CSGALNACT1: variants seen among roughly 807,000 people sequenced by gnomAD.
The protein encoded by CSGALNACT1 is beta4GalNAcT-1.
Under a neutral mutation model 51.0 loss-of-function variants are expected in CSGALNACT1, and 52 were observed. That is an observed-to-expected ratio of 1.02 (90% CI 0.82 to 1.29). The LOEUF is 1.29. Among genes scored for constraint, CSGALNACT1 ranks in the 50% most tolerant of loss-of-function variants. The probability of loss-of-function intolerance (pLI) is 0.00; values close to 1 mark genes in which losing one functional copy is unlikely to be tolerated. For missense variants in CSGALNACT1, 935 were observed against 679.2 expected (o/e 1.38, Z -4.19); for synonymous variants, 341 against 254.4 (o/e 1.34, Z -3.24).
chr8:19,713,751 C>T (rs996614814), intron 1 of CSGALNACT1, among the ~76,000 whole-genome samples: 1 of 152,130 alleles, frequency 6.6e-6, no homozygotes, highest in African/African-American at 2.4e-5. Flanking sequence ...CCTGAGGACA[C>T]CTTAATTCCA....
chr8:19,496,306 T>C (rs2075439267), intron 4 of CSGALNACT1, among the ~76,000 whole-genome samples: 1 of 152,184 alleles, frequency 6.6e-6, no homozygotes, highest in Admixed American at 6.5e-5. Context: ...GGCTTTCATA[T>C]TCAAAAGTAA....
At chr8:19,619,097 G>A (rs1457797057) in intron 1 of CSGALNACT1, among the ~76,000 whole-genome samples, 7 of 152,106 alleles carry the variant, frequency 4.6e-5, no homozygotes, top group Admixed American at 4.6e-4. Context: ...TGGGCTATGA[G>A]AAAGCGTGTA....
At chr8:19,602,913 C>A (rs1276775746), upstream of CSGALNACT1, among the ~76,000 whole-genome samples, 1 of 151,776 alleles carries the variant, frequency 6.6e-6, no homozygotes, top group African/African-American at 2.4e-5. Context: ...GGATTTTTAT[C>A]CCATCTGTCT....
chr8:19,641,024 A>T (rs185048389), intron 1 of CSGALNACT1, among the ~76,000 whole-genome samples: 191 of 152,094 alleles, frequency 1.3e-3, no homozygotes, highest in African/African-American at 4.4e-3. Context: ...AACACAAAGC[A>T]GGATCATTTT....
At chr8:19,584,541 T>C (rs1157617549) in intron 3 of CSGALNACT1, among the ~76,000 whole-genome samples, 2 of 152,242 alleles carry the variant, frequency 1.3e-5, no homozygotes, top group African/African-American at 4.8e-5. Context: ...ATACTGTTTA[T>C]GCCATTATAA....
At chr8:19,487,210 T>G (rs2073164776) in intron 4 of CSGALNACT1, among the ~76,000 whole-genome samples, 1 of 152,212 alleles carries the variant, frequency 6.6e-6, no homozygotes, top group Non-Finnish European at 1.5e-5. Flanking sequence ...GACTCATATG[T>G]CATGTTAATA....
upstream of CSGALNACT1, among the ~76,000 whole-genome samples, chr8:19,605,037 A>AC (rs2051175508): frequency 6.6e-6 from 1 of 152,044 alleles, no homozygotes; most frequent in South Asian, 2.1e-4. Context: ...AACACAGCCC[A>AC]CCCTGATCCC....
intron 1 of CSGALNACT1, among the ~76,000 whole-genome samples, chr8:19,691,459 G>C (rs559707872): frequency 6.6e-6 from 1 of 152,180 alleles, no homozygotes; most frequent in Admixed American, 6.5e-5. Flanking sequence ...AACACCAATT[G>C]CCTTCTCATT....
At chr8:19,722,894 A>C (rs1589698653) in intron 1 of CSGALNACT1, among the ~76,000 whole-genome samples, 1 of 152,300 alleles carries the variant, frequency 6.6e-6, no homozygotes, top group South Asian at 2.1e-4. Context: ...GGAAAACCAA[A>C]ACAGAAGCAA....
intron 5 of CSGALNACT1, among the ~76,000 whole-genome samples, chr8:19,446,587 C>T (rs550799202): frequency 1.4e-4 from 21 of 152,262 alleles, no homozygotes; most frequent in African/African-American, 5.1e-4. Flanking sequence ...CATCTTGGCT[C>T]ACCAAAGCAT....
intron 5 of CSGALNACT1, among the ~76,000 whole-genome samples, chr8:19,447,121 G>A (rs959099360): frequency 6.6e-6 from 1 of 152,192 alleles, no homozygotes; most frequent in African/African-American, 2.4e-5. Context: ...TAGCATACAG[G>A]TGAGGGAAGG....
At chr8:19,594,301 A>G (rs1016910746) in intron 2 of CSGALNACT1, among the ~76,000 whole-genome samples, 2 of 152,234 alleles carry the variant, frequency 1.3e-5, no homozygotes, top group African/African-American at 4.8e-5. Context: ...AAGGGAAGTG[A>G]GAGTCTCAAG....
intron 3 of CSGALNACT1, among the ~76,000 whole-genome samples, chr8:19,565,495 C>G (rs548761921): frequency 1.3e-5 from 2 of 152,338 alleles, no homozygotes; most frequent in African/African-American, 2.4e-5. Flanking sequence ...CTTTCCAACT[C>G]AAGATCCTCT....
intron 3 of CSGALNACT1, among the ~76,000 whole-genome samples, chr8:19,541,873 TA>T (rs1446929058): frequency 2.6e-5 from 4 of 152,198 alleles, no homozygotes; most frequent in Non-Finnish European, 5.9e-5. Context: ...GGGCCACTGT[TA>T]AATAAAAATC....
Position 19,577,401 on chromosome 8 carries a change from C to CAAAAAAAAAAAAAAAAAAAAAAA in CSGALNACT1, c.-297+13758_-297+13759insTTTTTTTTTTTTTTTTTTTTTTT, listed in dbSNP as rs111734132. Among the ~76,000 whole-genome samples, 65 of 104,244 alleles carry CAAAAAAAAAAAAAAAAAAAAAAA rather than the reference C, an allele frequency of 6.2e-4. 3 individuals are homozygous for CAAAAAAAAAAAAAAAAAAAAAAA. The highest frequency in any genetic ancestry group is 2.6e-3 in the African/African-American group (61 of 23,138). The allele number at this position is 104,244 out of a possible 152,430, so 68.4% of individuals were successfully genotyped here. On this transcript the variant is annotated intron_variant, in intron 3 of 9. Transcript: ENST00000454498. ...ACAACGAAGCCCGACCCCACCTCTA[C>CAAAAAAAAAAAAAAAAAAAAAAA]AAAAAAAAAAAAAGCCTAGTATGGT...
chr8:19,559,493 A>C (rs1316775753), intron 3 of CSGALNACT1, among the ~76,000 whole-genome samples: 1 of 152,228 alleles, frequency 6.6e-6, no homozygotes, highest in Non-Finnish European at 1.5e-5. Context: ...ATTAAGGCAT[A>C]AGTAAATAAA....
intron 6 of CSGALNACT1, among the ~76,000 whole-genome samples, 199 bp downstream of exon 5, chr8:19,439,631 A>G (rs2060976540): frequency 6.6e-6 from 1 of 152,250 alleles, no homozygotes; most frequent in South Asian, 2.1e-4. Context: ...ACCCATGCAC[A>G]TTGAAAACCA....
chr8:19,663,525 G>T (rs572989248), intron 1 of CSGALNACT1, among the ~76,000 whole-genome samples: 1 of 152,252 alleles, frequency 6.6e-6, no homozygotes, highest in Non-Finnish European at 1.5e-5. Context: ...TCCAAAGAGC[G>T]TAGCATTCAT....
chr8:19,549,529 C>T (rs538669715), intron 3 of CSGALNACT1, among the ~76,000 whole-genome samples: 1 of 152,210 alleles, frequency 6.6e-6, no homozygotes, highest in East Asian at 1.9e-4. Flanking sequence ...TTCCTGGTCT[C>T]TTCATCCCCT....
Sources: gnomAD v4.1 joint callset for allele counts (sites outside exome capture counted in the v4.1 genomes callset) on GRCh38, gnomAD v4.1.1 for gene constraint, MANE v1.5 for transcripts, NCBI Gene and HGNC (gene_info 2026-07-23, HGNC 2026-07-21) for gene names.